The following TNRC6A variants were observed in gnomAD, a reference collection of about 807,000 sequenced individuals.
The protein encoded by TNRC6A is trinucleotide repeat containing adaptor 6A, also known as trinucleotide repeat-containing gene 6A protein.
A neutral mutation model predicts 221.2 loss-of-function variants in TNRC6A; 44 were observed. The ratio of observed to expected loss-of-function variants is 0.20; its 90% CI spans 0.16 to 0.26. TNRC6A has a LOEUF of 0.26. Among genes scored for constraint, TNRC6A ranks in the 10% least tolerant of loss-of-function variants. The probability of loss-of-function intolerance (pLI) is 1.00; values close to 1 mark genes in which losing one functional copy is unlikely to be tolerated. For missense variants in TNRC6A, 2,199 were observed against 2,404.4 expected, an observed-to-expected ratio of 0.91 and a Z score of 1.79; for synonymous variants, 847 against 838.5, an observed-to-expected ratio of 1.01 and a Z score of -0.18.
Position 24,684,302 on chromosome 16 carries a change from G to A in TNRC6A, n.402+43293G>A, listed in dbSNP as rs545277008. Among the ~76,000 whole-genome samples the A allele has an allele frequency of 3.9e-5, 6 of 152,244 alleles. No homozygotes were observed. The East Asian group carries it at 9.7e-4, about 25-fold the overall frequency. ...CACGTGGGGTCCCAGCTACTTGGGG[G>A]GCTGAGGTGGGAGGATCACTTGGCC... On this transcript the variant is annotated intron_variant and non_coding_transcript_variant, in intron 2 of 2. Transcript: ENST00000566108.
At chr16:24,734,079 G>T (rs111343492) in intron 2 of TNRC6A, among the ~76,000 whole-genome samples, 1 of 152,166 alleles carries the variant, frequency 6.6e-6, no homozygotes, top group Non-Finnish European at 1.5e-5. Flanking sequence ...GGAGGCTGAG[G>T]TGGGAGGTTT....
chr16:24,801,913 C>T (rs1463145511), intron 11 of TNRC6A, among the ~76,000 whole-genome samples: 1 of 152,092 alleles, frequency 6.6e-6, no homozygotes, highest in Non-Finnish European at 1.5e-5. Flanking sequence ...AAAGAGTTCA[C>T]AATGGCTAGC....
intron 2 of TNRC6A, among the ~76,000 whole-genome samples, chr16:24,672,473 A>G (rs2055325910): frequency 7.2e-6 from 1 of 139,340 alleles, no homozygotes; most frequent in Non-Finnish European, 1.6e-5. Flanking sequence ...ACAGGGTCTC[A>G]CGAAGTCACC....
chr16:24,762,561 C>T (rs959198994), intron 4 of TNRC6A, among the ~76,000 whole-genome samples: 1 of 152,170 alleles, frequency 6.6e-6, no homozygotes, highest in Non-Finnish European at 1.5e-5. Flanking sequence ...GGATCCAGAG[C>T]AGGGGCTGGG....
intron 2 of TNRC6A, among the ~76,000 whole-genome samples, chr16:24,700,550 T>C (rs1416695850): frequency 6.6e-6 from 1 of 152,062 alleles, no homozygotes; most frequent in East Asian, 1.9e-4. Flanking sequence ...GTCTGAATAT[T>C]AAATAAATAA....
At position 24,815,272 on chromosome 16, in the gene TNRC6A, C is replaced by T. The variant is rs1289626332; in HGVS notation, c.4798C>T (p.Pro1600Ser). ...AGATGGCTGGCCACGTGCCAAATCG[C>T]CTAACGGCTCTAGCAGTGTTAATTG... ...IGDGWPRAKSPNGSSSVNWPP... is the reference protein window; with the variant it reads ...IGDGWPRAKSSNGSSSVNWPP... Residue 1600 changes from proline to serine, a missense_variant, in exon 19 of 25, where the codon CCT (proline) becomes TCT (serine). By Grantham distance (74) the Pro-to-Ser change is moderately conservative. Around this residue, in one of 8 missense-constraint regions of TNRC6A, gnomAD observed 449 missense variants for 579.7 expected, o/e 0.77. Transcript: ENST00000395799. 6.2e-7 allele frequency: 1 copy of T among 1,614,116 alleles called. No individual in the cohort carries two copies. Among genetic ancestry groups the T allele is most frequent in the East Asian group, 2.2e-5 (1 of 44,890 alleles).
chr16:24,677,526 A>T (rs949159242), intron 2 of TNRC6A, among the ~76,000 whole-genome samples: 1 of 152,136 alleles, frequency 6.6e-6, no homozygotes, highest in Non-Finnish European at 1.5e-5. Flanking sequence ...CAAACTTGAA[A>T]CATGGGAGTT....
At position 24,687,878 on chromosome 16, in the gene TNRC6A, AAGAAGC is replaced by A. The variant is rs1412132796; in HGVS notation, n.402+46872_402+46877del. Among the ~76,000 whole-genome samples, 10 of 150,046 alleles carry A rather than the reference AAGAAGC, an allele frequency of 6.7e-5. 1 individual carries two copies. The highest frequency in any genetic ancestry group is 2.1e-4 in the South Asian group (1 of 4,704). ...GAAGAAGAAGAAGAAGAAGAAGAAG[AAGAAGC>A]AGCTTATTCCAACTTTCTTGGACAT... On this transcript the variant is annotated intron_variant and non_coding_transcript_variant, in intron 2 of 2. Transcript: ENST00000566108.
chr16:24,672,746 C>T (rs1254018923), intron 2 of TNRC6A, among the ~76,000 whole-genome samples: 1 of 148,506 alleles, frequency 6.7e-6, no homozygotes, highest in Admixed American at 6.8e-5. Flanking sequence ...TGTGCCTGGC[C>T]TGTTCTTCTT....
intron 17 of TNRC6A, among the ~76,000 whole-genome samples, chr16:24,809,085 A>G (rs1219430838): frequency 6.6e-6 from 1 of 152,264 alleles, no homozygotes; most frequent in Admixed American, 6.5e-5. Context: ...CTTGGGAAAT[A>G]GCTAAACAGA....
At chr16:24,738,492 T>C (rs2056820083) in intron 2 of TNRC6A, among the ~76,000 whole-genome samples, 1 of 152,200 alleles carries the variant, frequency 6.6e-6, no homozygotes, top group Non-Finnish European at 1.5e-5. Context: ...TAATCTACTT[T>C]CTATTATAAC....
chr16:24,813,767 C>T (rs1403767526), intron 18 of TNRC6A, among the ~76,000 whole-genome samples: 1 of 152,196 alleles, frequency 6.6e-6, no homozygotes, highest in Non-Finnish European at 1.5e-5. Context: ...TGATGTTCCC[C>T]TTGTGTTGAT....
Position 24,686,254 on chromosome 16 carries a change from G to A in TNRC6A, n.402+45245G>A, listed in dbSNP as rs573520443. Among the ~76,000 whole-genome samples, 6 of 152,226 alleles carry A rather than the reference G, an allele frequency of 3.9e-5. No homozygotes were observed. In the South Asian group the frequency reaches 1.2e-3, roughly 32 times the overall value. ...AGCCTGGGGTGGAGACGGGCTCTGG[G>A]GCAGTTCACTTTAACCACTTCCCTC... On this transcript the variant is annotated intron_variant and non_coding_transcript_variant, in intron 2 of 2. Coordinates refer to the TNRC6A transcript ENST00000566108.
chr16:24,648,587 A>T (rs1902442779), intron 2 of TNRC6A, among the ~76,000 whole-genome samples: 1 of 152,114 alleles, frequency 6.6e-6, no homozygotes, highest in African/African-American at 2.4e-5. Flanking sequence ...ACCATTTTAC[A>T]GTCCCACCAG....
At chr16:24,715,597 A>G (rs1431286871) in intron 2 of TNRC6A, among the ~76,000 whole-genome samples, 4 of 140,372 alleles carry the variant, frequency 2.8e-5, no homozygotes, top group Non-Finnish European at 4.5e-5. Context: ...TCCATTCTTG[A>G]GTAGTTTCTT....
chr16:24,810,389 AT>A, intron 18 of TNRC6A, among the ~76,000 whole-genome samples: 1 of 152,336 alleles, frequency 6.6e-6, no homozygotes, highest in Non-Finnish European at 1.5e-5. Context: ...TATACGTAAA[AT>A]TACTTGCCCT....
At chr16:24,659,502 G>A (rs2054984996) in intron 2 of TNRC6A, among the ~76,000 whole-genome samples, 1 of 152,044 alleles carries the variant, frequency 6.6e-6, no homozygotes, top group South Asian at 2.1e-4. Context: ...GGCTGCAGTG[G>A]TACAAACATG....
chr16:24,800,501 T>G (rs189794369), intron 11 of TNRC6A, among the ~76,000 whole-genome samples: 1 of 152,096 alleles, frequency 6.6e-6, no homozygotes, highest in East Asian at 1.9e-4. Context: ...CTGTGAAGAG[T>G]GCCGATAGTG....
At chr16:24,652,528 G>A (rs758693934) in intron 2 of TNRC6A, among the ~76,000 whole-genome samples, 2 of 152,132 alleles carry the variant, frequency 1.3e-5, no homozygotes, top group East Asian at 1.9e-4. Flanking sequence ...CCTCAGCACC[G>A]ATTGGCATCC....
Sources: allele counts gnomAD v4.1 joint callset (sites outside exome capture counted in the v4.1 genomes callset), GRCh38; gene constraint gnomAD v4.1.1; regional missense constraint gnomAD v4.1.1; transcripts MANE v1.5; gene names NCBI Gene and HGNC (gene_info 2026-07-23, HGNC 2026-07-21).